Variants in MACROD2 observed in about 807,000 individuals in gnomAD.
MACROD2 encodes the protein ADP-ribose glycohydrolase MACROD2.
MACROD2 carries 36 observed loss-of-function variants against 70.4 expected under a neutral mutation model. The ratio of observed to expected loss-of-function variants is 0.51; its 90% CI spans 0.39 to 0.68. The LOEUF is 0.68. Ranked by LOEUF, MACROD2 falls within the 30% of genes least tolerant of loss-of-function variation. The pLI is 0.00. For missense variants in MACROD2, 496 were observed against 538.4 expected (o/e 0.92, Z 0.78); for synonymous variants, 172 against 178.8 (o/e 0.96, Z 0.30).
intron 6 of MACROD2, among the ~76,000 whole-genome samples, chr20:15,393,631 G>A (rs1031173020): frequency 2.5e-4 from 38 of 151,936 alleles, no homozygotes; most frequent in Non-Finnish European, 3.4e-4. Flanking sequence ...TTCAATGTCC[G>A]CTGTTAGTTT....
chr20:15,499,659 T>C, intron 7 of MACROD2, 115 bp from the exon 8 acceptor site: 1 of 868,370 alleles, frequency 1.2e-6, no homozygotes, highest in Admixed American at 2.0e-5. Flanking sequence ...GGCCTGTACT[T>C]ATTGGTTGAA....
chr20:14,758,020 C>T (rs974819124), intron 5 of MACROD2: 11 of 725,910 alleles, frequency 1.5e-5, no homozygotes, highest in African/African-American at 5.2e-5. Context: ...AGTTTAGAGG[C>T]GAATTTGGTC....
chr20:15,627,716 A>C (rs2049226701), intron 8 of MACROD2, among the ~76,000 whole-genome samples: 1 of 152,176 alleles, frequency 6.6e-6, no homozygotes, highest in South Asian at 2.1e-4. Flanking sequence ...AGTCTACAAT[A>C]GTGATGTTAT....
chr20:15,915,041 T>G (rs56233983), intron 10 of MACROD2, among the ~76,000 whole-genome samples: 21,905 of 152,140 alleles, frequency 0.14, 1,704 homozygotes, highest in South Asian at 0.28. Context: ...CCCTATGGAG[T>G]TGGGGTGTGC....
chr20:14,025,233 A>G (rs577353674), intron 2 of MACROD2, among the ~76,000 whole-genome samples: 2 of 151,580 alleles, frequency 1.3e-5, no homozygotes, highest in African/African-American at 2.4e-5. Flanking sequence ...TATCATTTTT[A>G]TTGTCTGTTT....
chr20:16,038,856 C>T (rs2067270314), intron 15 of MACROD2, among the ~76,000 whole-genome samples: 1 of 151,976 alleles, frequency 6.6e-6, no homozygotes, highest in Non-Finnish European at 1.5e-5. Context: ...ACTTTTGCTT[C>T]TGACAGCAGA....
At chr20:14,241,524 T>C (rs961525269) in intron 3 of MACROD2, among the ~76,000 whole-genome samples, 1 of 152,070 alleles carries the variant, frequency 6.6e-6, no homozygotes, top group Non-Finnish European at 1.5e-5. Context: ...TATCAAATTA[T>C]ATATATATGA....
intron 8 of MACROD2, among the ~76,000 whole-genome samples, chr20:15,809,717 T>C (rs1031499977): frequency 6.6e-6 from 1 of 151,996 alleles, no homozygotes; most frequent in African/African-American, 2.4e-5. Context: ...AGACCAAATT[T>C]CAACATGAAA....
At chr20:14,889,280 G>A (rs562183429) in intron 5 of MACROD2, among the ~76,000 whole-genome samples, 3 of 152,256 alleles carry the variant, frequency 2.0e-5, no homozygotes, top group Admixed American at 2.0e-4. Flanking sequence ...CAAAACAGGA[G>A]AAGATCTCTG....
At chr20:15,797,082 T>C (rs1440427225) in intron 8 of MACROD2, among the ~76,000 whole-genome samples, 2 of 152,148 alleles carry the variant, frequency 1.3e-5, no homozygotes, top group Non-Finnish European at 2.9e-5. Flanking sequence ...TCTAGCAACC[T>C]GACCTTTTAG....
Position 14,446,902 on chromosome 20 carries a change from T to C in MACROD2, c.272-46577T>C, listed in dbSNP as rs539376754. Among the ~76,000 whole-genome samples the C allele has an allele frequency of 9.3e-4, 142 of 152,276 alleles. 1 individual carries two copies. The highest frequency in any genetic ancestry group is 3.1e-3 in the African/African-American group (130 of 41,520). On this transcript the variant is annotated intron_variant, in intron 3 of 17. Coordinates refer to ENST00000684519, the MANE Select transcript of MACROD2 (RefSeq NM_001351661.2). ...TTTATTCTGGAGAAAACAATGCCTATAACTTATAAACTGATACAACAGAGT... is the reference window on the plus strand; with the variant it reads ...TTTATTCTGGAGAAAACAATGCCTACAACTTATAAACTGATACAACAGAGT...
intron 3 of MACROD2, among the ~76,000 whole-genome samples, chr20:14,411,396 C>G (rs1367474706): frequency 1.3e-5 from 2 of 152,054 alleles, no homozygotes; most frequent in Non-Finnish European, 1.5e-5. Context: ...AATGTTTTCT[C>G]TCTACCAGCT....
intron 5 of MACROD2, among the ~76,000 whole-genome samples, chr20:15,173,047 T>C (rs1601174739): frequency 6.6e-6 from 1 of 152,302 alleles, no homozygotes; most frequent in East Asian, 1.9e-4. Context: ...ACTGTGTGTG[T>C]GCCTGTGTGC....
intron 5 of MACROD2, among the ~76,000 whole-genome samples, chr20:14,857,376 G>A (rs1198225651): frequency 2.0e-5 from 3 of 152,198 alleles, no homozygotes; most frequent in Non-Finnish European, 4.4e-5. Flanking sequence ...AGACACTCTA[G>A]AGCTGTTGGA....
At chr20:14,340,815 A>G (rs1410052656) in intron 3 of MACROD2, among the ~76,000 whole-genome samples, 3 of 152,218 alleles carry the variant, frequency 2.0e-5, no homozygotes, top group African/African-American at 7.2e-5. Context: ...TTAAAACTCT[A>G]GGACTATCTA....
intron 3 of MACROD2, among the ~76,000 whole-genome samples, chr20:14,202,611 C>G (rs896705522): frequency 1.3e-5 from 2 of 152,072 alleles, no homozygotes; most frequent in African/African-American, 4.8e-5. Flanking sequence ...GAGGCAGAAC[C>G]TCTAAATCAG....
chr20:14,140,867 T>G (rs2054863853), intron 3 of MACROD2, among the ~76,000 whole-genome samples: 1 of 152,208 alleles, frequency 6.6e-6, no homozygotes, highest in Admixed American at 6.5e-5. Context: ...TAGCCCTCTA[T>G]ATGGATCTTT....
intron 7 of MACROD2, among the ~76,000 whole-genome samples, chr20:15,475,233 C>CAGTGTCTG (rs2047007337): frequency 6.6e-6 from 1 of 152,112 alleles, no homozygotes; most frequent in Admixed American, 6.5e-5. Context: ...GTGGGAGGTC[C>CAGTGTCTG]TGGAACCAAT....
intron 5 of MACROD2, among the ~76,000 whole-genome samples, chr20:15,095,064 CTTT>C (rs373794823): frequency 0.04 from 3,439 of 85,008 alleles, 19 homozygotes; most frequent in Non-Finnish European, 0.052. Context: ...GTCTCCTCTT[CTTT>C]TTTTTTTTTT....
Sources: allele counts gnomAD v4.1 joint callset (sites outside exome capture counted in the v4.1 genomes callset), GRCh38; gene constraint gnomAD v4.1.1; transcripts MANE v1.5; gene names NCBI Gene and HGNC (gene_info 2026-07-23, HGNC 2026-07-21).